The following ZNF736 variants were observed in gnomAD, a reference collection of about 807,000 sequenced individuals.
The protein encoded by ZNF736 is zinc finger protein 736.
In ZNF736, 6 loss-of-function variants were observed where a neutral mutation model predicts 11.7. That is an observed-to-expected ratio of 0.51 (90% confidence interval 0.28 to 1.01). The LOEUF is 1.01. Among genes scored for constraint, ZNF736 ranks in the 50% least tolerant of loss-of-function variants. The pLI, the probability that ZNF736 is intolerant of heterozygous loss-of-function variation, is 0.09. For missense variants in ZNF736, 444 were observed against 496.0 expected (o/e 0.90, Z 1.00); for synonymous variants, 139 against 164.7 (o/e 0.84, Z 1.19).
intron 1 of ZNF736, among the ~76,000 whole-genome samples, chr7:64,334,850 A>C (rs1484910158): frequency 6.6e-6 from 1 of 152,220 alleles, no homozygotes; most frequent in Non-Finnish European, 1.5e-5. Flanking sequence ...TGTTTATTGC[A>C]GCACTATTTA....
intron 1 of ZNF736, among the ~76,000 whole-genome samples, chr7:64,330,968 TAGAA>T (rs1789157658): frequency 1.3e-5 from 2 of 152,170 alleles, no homozygotes; most frequent in African/African-American, 4.8e-5. Context: ...TTTCCTCAAG[TAGAA>T]AGAAAGATTT....
At chr7:64,340,238 A>G (rs779611044) in intron 3 of ZNF736, among the ~76,000 whole-genome samples, 29 of 152,190 alleles carry the variant, frequency 1.9e-4, no homozygotes, top group Admixed American at 9.2e-4. Context: ...TGTGACTATC[A>G]GTGCTGAAAC....
In ZNF736 at chr7:64,349,686, G is replaced by A. The variant is rs1789460500; in HGVS notation, c.*539G>A. On this transcript the variant is annotated 3_prime_UTR_variant, in exon 4 of 4. Coordinates refer to ENST00000423484, the MANE Select transcript of ZNF736 (RefSeq NM_001170905.3). ...AGTTTGTATACTTTAGTGTGCTTTT[G>A]TAGTGACTGGTAATAGTCTTTTTCT... 1 of 152,638 alleles carries A rather than the reference G, an allele frequency of 6.6e-6. No individual in the cohort carries two copies. Among genetic ancestry groups the A allele is most frequent in the Non-Finnish European group, 1.5e-5 (1 of 68,404 alleles). 9.5% of individuals were successfully genotyped at this position (152,638 alleles called of 1,614,324 possible). A position where few individuals can be genotyped will look rare whatever the true frequency, so the allele number is the denominator to read the frequency against.
rs1168645889 is a variant in ZNF736 at position 64,348,354 on chromosome 7, A to G, written c.491A>G (p.Lys164Arg). 6.4e-7 allele frequency: 1 copy of G among 1,551,392 alleles called. No homozygotes were observed. Among genetic ancestry groups the G allele is most frequent in the Non-Finnish European group, 8.7e-7 (1 of 1,146,846 alleles). ...TTGTGCTCAATCTTCACTGAACATA[A>G]AGACATTTTTAGCAGAGAGAAATGC... ...FQLCSIFTEH[K>R]DIFSREKCHK... Residue 164 changes from lysine to arginine, a missense_variant, in exon 4 of 4, where the codon AAA (lysine) becomes AGA (arginine). Physicochemically the swap from Lys to Arg is conservative, Grantham distance 26 (BLOSUM62 2). Transcript: ENST00000423484.
chr7:64,342,254 A>C (rs1364809695), intron 3 of ZNF736, among the ~76,000 whole-genome samples: 1 of 152,150 alleles, frequency 6.6e-6, no homozygotes, highest in Non-Finnish European at 1.5e-5. Flanking sequence ...AGAGGCCCGG[A>C]ACAGATGTCA....
chr7:64,345,185 G>A (rs1300112158), intron 3 of ZNF736, among the ~76,000 whole-genome samples: 4 of 151,018 alleles, frequency 2.6e-5, no homozygotes, highest in Non-Finnish European at 5.9e-5. Context: ...CACCGCGCCT[G>A]GCTAATTTTT....
In ZNF736 at chr7:64,354,510, C is replaced by G. The variant is rs1412406918; in HGVS notation, c.*5363C>G. ...TCTGCTGTGTATTAAATTCATTTATCTAAAATGTTATTGCTCCTGGCTTAG... is the reference window on the plus strand; with the variant it reads ...TCTGCTGTGTATTAAATTCATTTATGTAAAATGTTATTGCTCCTGGCTTAG... On this transcript the variant is annotated 3_prime_UTR_variant, in exon 4 of 4. Coordinates refer to ENST00000423484, the MANE Select transcript of ZNF736 (RefSeq NM_001170905.3). The G allele has an allele frequency of 1.1e-4, 16 of 151,886 alleles. 1 individual carries two copies. The highest frequency in any genetic ancestry group is 1.0e-3 in the Admixed American group (16 of 15,248). The allele number at this position is 151,886 out of a possible 1,614,324, so 9.4% of individuals were successfully genotyped here. A position where few individuals can be genotyped will look rare whatever the true frequency, so the allele number is the denominator to read the frequency against.
chr7:64,342,527 G>C (rs1279123420), intron 3 of ZNF736, among the ~76,000 whole-genome samples: 2 of 151,982 alleles, frequency 1.3e-5, no homozygotes, highest in Non-Finnish European at 1.5e-5. Flanking sequence ...TTAGAACACT[G>C]TCCAGCACAT....
intron 3 of ZNF736, among the ~76,000 whole-genome samples, chr7:64,341,429 A>AT (rs1354060818): frequency 6.6e-6 from 1 of 152,194 alleles, no homozygotes; most frequent in East Asian, 1.9e-4. Flanking sequence ...CACGCTATAG[A>AT]TTTTTTAGTG....
intron 3 of ZNF736, among the ~76,000 whole-genome samples, chr7:64,347,864 G>C (rs577763318): frequency 6.6e-6 from 1 of 152,250 alleles, no homozygotes; most frequent in East Asian, 1.9e-4. Context: ...ACTTCTATGT[G>C]GTTCTTGGCG....
chr7:64,351,557 A>G lies in ZNF736; in HGVS notation c.*2410A>G, dbSNP rs1401289278. The G allele has an allele frequency of 6.6e-6, 1 of 152,342 alleles. No homozygotes were observed. Among genetic ancestry groups the G allele is most frequent in the Non-Finnish European group, 1.5e-5 (1 of 68,138 alleles). The allele number at this position is 152,342 out of a possible 1,614,324, so 9.4% of individuals were successfully genotyped here. A position where few individuals can be genotyped will look rare whatever the true frequency, so the allele number is the denominator to read the frequency against. ...GGTCCCTGGGAGAGGCCAGCAGACC[A>G]AGGAGTGCTCAGTTGGACCAGCTTC... On this transcript the variant is annotated 3_prime_UTR_variant, in exon 4 of 4. Transcript: ENST00000423484.
chr7:64,327,035 A>G (rs1789092271), intron 1 of ZNF736, among the ~76,000 whole-genome samples: 1 of 152,164 alleles, frequency 6.6e-6, no homozygotes, highest in Non-Finnish European at 1.5e-5. Flanking sequence ...TTTTGATGAA[A>G]TGCTTTGTAA....
At chr7:64,337,285 AT>A (rs1789267463) in intron 3 of ZNF736, 1 of 349,084 alleles carries the variant, frequency 2.9e-6, no homozygotes, top group Non-Finnish European at 5.2e-6. Context: ...AAAATGTGTG[AT>A]TTGACTGCTT....
chr7:64,348,196 AC>A lies in ZNF736; in HGVS notation c.334del (p.His112IlefsTer2). ...ATGGAAGCTGTGACCTTAATAATTTACATTTAAAGAAAGACTACCAAAGTGT... is the reference window on the plus strand; with the variant it reads ...ATGGAAGCTGTGACCTTAATAATTTAATTTAAAGAAAGACTACCAAAGTGT... ...KYGSCDLNNL[H>X]LKKDYQSVGN... is the part of the protein sequence containing the mutation. On this transcript the variant is annotated frameshift_variant, in exon 4 of 4. Transcript: ENST00000423484. LOFTEE classifies it low-confidence loss of function (END_TRUNC). 6.4e-7 allele frequency: 1 copy of A among 1,551,568 alleles called. No individual in the cohort carries two copies. Among genetic ancestry groups the A allele is most frequent in the Non-Finnish European group, 8.7e-7 (1 of 1,146,856 alleles).
chr7:64,329,822 A>G (rs1193784511), intron 1 of ZNF736, among the ~76,000 whole-genome samples: 1 of 152,206 alleles, frequency 6.6e-6, no homozygotes, highest in Non-Finnish European at 1.5e-5. Context: ...GAATCCAGCC[A>G]GGCTCATGTC....
In ZNF736 at chr7:64,354,106, T is replaced by C. The variant is rs1249593926; in HGVS notation, c.*4959T>C. The C allele has an allele frequency of 6.6e-6, 1 of 152,200 alleles. No homozygotes were observed. Among genetic ancestry groups the C allele is most frequent in the Non-Finnish European group, 1.5e-5 (1 of 68,024 alleles). The allele number at this position is 152,200 out of a possible 1,614,324, so 9.4% of individuals were successfully genotyped here. On this transcript the variant is annotated 3_prime_UTR_variant, in exon 4 of 4. Coordinates refer to ENST00000423484, the MANE Select transcript of ZNF736 (RefSeq NM_001170905.3). ...ATGGTTTCTACAACTTACATTTTTG[T>C]TTACTTGTAACTACAGATTATTATG...
chr7:64,348,754 C>T lies in ZNF736; in HGVS notation c.891C>T (p.Phe297=), dbSNP rs1789446518. 1 of 1,598,420 alleles carries T rather than the reference C, an allele frequency of 6.3e-7. No individual in the cohort carries two copies. The highest frequency in any genetic ancestry group is 1.3e-5 in the African/African-American group (1 of 74,434). Residue 297 remains phenylalanine, a synonymous_variant, in exon 4 of 4, where the codon TTC becomes TTT. Coordinates refer to ENST00000423484, the MANE Select transcript of ZNF736 (RefSeq NM_001170905.3). ...AATGTAACAAAGCCTATAGGTGGTT[C>T]TCAGACCTTGCTAAACATAAGATAA... is the stretch of plus-strand genomic sequence containing the variant. ...CEECNKAYRW[F]SDLAKHKIIH...
In ZNF736 at chr7:64,351,713, A is replaced by G. The variant is rs1789491482; in HGVS notation, c.*2566A>G. ...CACACTTTACTACAGATGCTCTTGC[A>G]CCAAACCCTCTGGCCACCACATGAG... On this transcript the variant is annotated 3_prime_UTR_variant, in exon 4 of 4. Coordinates refer to ENST00000423484, the MANE Select transcript of ZNF736 (RefSeq NM_001170905.3). 1.3e-5 allele frequency: 2 copies of G among 152,294 alleles called. No individual in the cohort carries two copies. The highest frequency in any genetic ancestry group is 1.3e-4 in the Admixed American group (2 of 15,288). The allele number at this position is 152,294 out of a possible 1,614,324, so 9.4% of individuals were successfully genotyped here.
At position 64,350,155 on chromosome 7, in the gene ZNF736, AGTT is replaced by A. The variant is rs2086514898; in HGVS notation, c.*1012_*1014del. 1.3e-5 allele frequency: 2 copies of A among 152,166 alleles called. No homozygotes were observed. Among genetic ancestry groups the A allele is most frequent in the Non-Finnish European group, 2.9e-5 (2 of 68,034 alleles). The allele number at this position is 152,166 out of a possible 1,614,324, so 9.4% of individuals were successfully genotyped here. A position where few individuals can be genotyped will look rare whatever the true frequency, so the allele number is the denominator to read the frequency against. On this transcript the variant is annotated 3_prime_UTR_variant, in exon 4 of 4. Coordinates refer to ENST00000423484, the MANE Select transcript of ZNF736 (RefSeq NM_001170905.3). ...ATGTTATCCTGAAATACGTATTTCAAGTTGTTTTCATTCTCCCCATCACTTTCA... is the reference window on the plus strand; with the variant it reads ...ATGTTATCCTGAAATACGTATTTCAAGTTTTCATTCTCCCCATCACTTTCA...
Sources: gnomAD v4.1 joint callset for allele counts (sites outside exome capture counted in the v4.1 genomes callset) on GRCh38, gnomAD v4.1.1 for gene constraint, MANE v1.5 for transcripts, NCBI Gene and HGNC (gene_info 2026-07-23, HGNC 2026-07-21) for gene names.